Variants in SYT16 observed in about 807,000 individuals in gnomAD.
SYT16 encodes synaptotagmin-16.
A neutral mutation model predicts 61.4 loss-of-function variants in SYT16; 42 were observed. That is an observed-to-expected ratio of 0.68 (90% CI 0.53 to 0.89). The LOEUF is 0.89. SYT16 is among the 40% of genes least tolerant of loss of function. The pLI is 0.00. For missense variants in SYT16, 804 were observed against 807.3 expected (o/e 1.00, Z 0.05); for synonymous variants, 314 against 302.3 (o/e 1.04, Z -0.40).
rs1595426199 is a variant in SYT16, at chr14:62,106,194, C to G, written c.*5487C>G. On this transcript the variant is annotated 3_prime_UTR_variant, in exon 8 of 8. Coordinates refer to ENST00000683842, the MANE Select transcript of SYT16 (RefSeq NM_001367656.1). ...TCTGGGCTGGCACAGAACTTAAAAT[C>G]TCTTTGGAGTGCTATGAGTGCACAT... The G allele has an allele frequency of 6.6e-6, 1 of 152,230 alleles. No individual in the cohort carries two copies. Among genetic ancestry groups the G allele is most frequent in the Admixed American group, 6.5e-5 (1 of 15,274 alleles). The allele number at this position is 152,230 out of a possible 1,614,324, so 9.4% of individuals were successfully genotyped here.
intron 1 of SYT16, among the ~76,000 whole-genome samples, chr14:61,904,285 C>G (rs568908689): frequency 6.6e-5 from 10 of 152,312 alleles, no homozygotes; most frequent in Middle Eastern, 3.4e-3. Context: ...TGCTTCACTT[C>G]CTGCCTCCCA....
At chr14:62,063,255 A>G (rs11844051) in intron 3 of SYT16, among the ~76,000 whole-genome samples, 1,702 of 152,270 alleles carry the variant, frequency 0.011, 16 homozygotes, top group Middle Eastern at 0.027. Context: ...AGACCCTGGG[A>G]GAGGGCACAT....
intron 1 of SYT16, among the ~76,000 whole-genome samples, chr14:61,875,083 C>T (rs1398725089): frequency 6.6e-6 from 1 of 152,130 alleles, no homozygotes; most frequent in Non-Finnish European, 1.5e-5. Context: ...GAATTTTAGG[C>T]GTACTAAATC....
At chr14:61,897,305 G>A (rs2048358388) in intron 1 of SYT16, 1 of 152,170 alleles carries the variant, frequency 6.6e-6, no homozygotes, top group Non-Finnish European at 1.5e-5. Context: ...AAATGAAGAG[G>A]AATTTAAGGA....
intron 2 of SYT16, among the ~76,000 whole-genome samples, chr14:61,970,935 GT>G (rs33917095): frequency 0.55 from 81,744 of 148,004 alleles, 23,097 homozygotes; most frequent in East Asian, 0.73. Context: ...TAACTTTGCT[GT>G]TTTTTTTTTT....
At chr14:61,864,909 T>C in intron 1 of SYT16, 2 of 1,261,438 alleles carry the variant, frequency 1.6e-6, no homozygotes, top group South Asian at 1.2e-5. Flanking sequence ...GGCGGGATGC[T>C]CCGTGTCTTA....
chr14:61,986,502 G>T lies in SYT16; in HGVS notation c.-144-9374G>T, dbSNP rs142836694. On this transcript the variant is annotated intron_variant, in intron 2 of 7. Transcript: ENST00000683842. ...GTTCTAGGGTACATGTGCACAACATGCAGGTTTGTTACATATGTATACATG... is the reference window on the plus strand; with the variant it reads ...GTTCTAGGGTACATGTGCACAACATTCAGGTTTGTTACATATGTATACATG... Among the ~76,000 whole-genome samples the T allele has an allele frequency of 5.6e-3, 854 of 151,226 alleles. 25 individuals are homozygous for T. The highest frequency in any genetic ancestry group is 0.047 in the Admixed American group (711 of 15,142).
intron 3 of SYT16, among the ~76,000 whole-genome samples, chr14:62,063,010 G>T (rs1283975661): frequency 1.3e-5 from 2 of 152,208 alleles, no homozygotes; most frequent in African/African-American, 4.8e-5. Context: ...TGCATCGCCA[G>T]TTGGTAATTT....
chr14:62,100,307 C>T (rs2057387951), intron 7 of SYT16, 87 bp from the exon 8 acceptor site: 2 of 1,174,858 alleles, frequency 1.7e-6, no homozygotes, highest in Non-Finnish European at 1.2e-6. Flanking sequence ...AATTTGTAGC[C>T]CATATAAATG....
intron 3 of SYT16, among the ~76,000 whole-genome samples, chr14:62,008,631 C>CT (rs374026559): frequency 0.13 from 17,329 of 134,884 alleles, 1,189 homozygotes; most frequent in African/African-American, 0.19. Flanking sequence ...TTTCTGTTTT[C>CT]TTTTTTTTTT....
intron 3 of SYT16, among the ~76,000 whole-genome samples, chr14:62,063,949 T>C (rs985296298): frequency 1.3e-5 from 2 of 152,078 alleles, no homozygotes; most frequent in Admixed American, 6.6e-5. Flanking sequence ...TTAGATGATA[T>C]CTGAGATCTG....
intron 3 of SYT16, among the ~76,000 whole-genome samples, chr14:62,006,862 GCTCA>G (rs1389299087): frequency 3.3e-5 from 5 of 152,160 alleles, no homozygotes; most frequent in East Asian, 1.9e-4. Flanking sequence ...CAAGAAATAT[GCTCA>G]CTATTTCCTG....
At chr14:61,986,843 T>C (rs1205403846) in intron 2 of SYT16, among the ~76,000 whole-genome samples, 2 of 152,194 alleles carry the variant, frequency 1.3e-5, no homozygotes, top group Non-Finnish European at 2.9e-5. Context: ...TGTATGTGTA[T>C]ATATGTGGAG....
intron 3 of SYT16, among the ~76,000 whole-genome samples, chr14:62,007,996 G>A (rs1016557837): frequency 1.3e-5 from 2 of 151,860 alleles, no homozygotes; most frequent in Non-Finnish European, 2.9e-5. Context: ...CCAGCCAAAA[G>A]GGGAAGAAGC....
At chr14:61,886,928 G>A (rs951062695) in intron 1 of SYT16, among the ~76,000 whole-genome samples, 3 of 141,992 alleles carry the variant, frequency 2.1e-5, no homozygotes, top group Non-Finnish European at 3.0e-5. Context: ...TATGGAGAAC[G>A]GGGTCTTGCT....
intron 3 of SYT16, among the ~76,000 whole-genome samples, chr14:62,015,030 G>A (rs1163515670): frequency 6.6e-6 from 1 of 152,134 alleles, no homozygotes; most frequent in African/African-American, 2.4e-5. Flanking sequence ...TTTTCTCTAG[G>A]AAGCCTTCCT....
intron 1 of SYT16, among the ~76,000 whole-genome samples, chr14:61,831,433 CTTAAA>C (rs1339681040): frequency 7.2e-5 from 11 of 151,924 alleles, no homozygotes; most frequent in Non-Finnish European, 1.3e-4. Context: ...TTTTTTTAAT[CTTAAA>C]TTTAACCATT....
chr14:61,989,466 G>A (rs752372213), intron 2 of SYT16, among the ~76,000 whole-genome samples: 1 of 152,186 alleles, frequency 6.6e-6, no homozygotes. Flanking sequence ...GGGAGGCTGA[G>A]GCAGGAGAAT....
At position 62,057,383 on chromosome 14, in the gene SYT16, T is replaced by A. The variant is rs866735073; in HGVS notation, c.524-12220T>A. 1.6e-4 allele frequency among the ~76,000 whole-genome samples: 25 copies of A among 152,314 alleles called. No homozygotes were observed. The Middle Eastern group carries it at 0.024, about 145-fold the overall frequency. ...TCATTGTATTCAGAGTTAGTTGGGT[T>A]TGACCTTAGTTCGTGGCTGTTGGGA... is the stretch of plus-strand genomic sequence containing the variant. On this transcript the variant is annotated intron_variant, in intron 3 of 7. Transcript: ENST00000683842.
Sources: gnomAD v4.1 joint callset for allele counts (sites outside exome capture counted in the v4.1 genomes callset) on GRCh38, gnomAD v4.1.1 for gene constraint, MANE v1.5 for transcripts, NCBI Gene and HGNC (gene_info 2026-07-23, HGNC 2026-07-21) for gene names.